The following SOX5 variants were observed in gnomAD, a reference collection of about 807,000 sequenced individuals.
SOX5 encodes the protein SRY-box transcription factor 5.
SOX5 carries 9 observed loss-of-function variants against 92.0 expected under a neutral mutation model. The ratio of observed to expected loss-of-function variants is 0.10; its 90% CI spans 0.06 to 0.17. The LOEUF (loss-of-function observed/expected upper bound fraction) is 0.17. Among genes scored for constraint, SOX5 ranks in the 10% least tolerant of loss-of-function variants. The probability of loss-of-function intolerance (pLI) is 1.00; values close to 1 mark genes in which losing one functional copy is unlikely to be tolerated. For missense variants in SOX5, 642 were observed against 944.5 expected, an observed-to-expected ratio of 0.68 and a Z score of 4.20; for synonymous variants, 344 against 336.3, an observed-to-expected ratio of 1.02 and a Z score of -0.25.
intron 4 of SOX5, chr12:24,212,549 T>A: frequency 1.9e-6 from 1 of 517,592 alleles, no homozygotes; most frequent in South Asian, 1.5e-5. Context: ...CACCAAGTCT[T>A]CACTCATAAC....
At chr12:24,138,310 T>C (rs1431032181) in intron 4 of SOX5, among the ~76,000 whole-genome samples, 1 of 152,232 alleles carries the variant, frequency 6.6e-6, no homozygotes, top group Non-Finnish European at 1.5e-5. Context: ...TTTTCTCCTG[T>C]TCATCTGCGA....
intron 4 of SOX5, among the ~76,000 whole-genome samples, chr12:24,202,221 C>T (rs1000540954): frequency 1.3e-5 from 2 of 152,198 alleles, no homozygotes; most frequent in Non-Finnish European, 2.9e-5. Flanking sequence ...CACTCTATTA[C>T]AATTCTCCTT....
At chr12:24,444,859 C>T (rs1441780924) in intron 1 of SOX5, among the ~76,000 whole-genome samples, 2 of 152,206 alleles carry the variant, frequency 1.3e-5, no homozygotes, top group African/African-American at 2.4e-5. Context: ...TCTCTATCTG[C>T]CCATCCTGCT....
intron 4 of SOX5, among the ~76,000 whole-genome samples, chr12:23,958,204 C>T (rs1946493689): frequency 6.6e-6 from 1 of 151,986 alleles, no homozygotes; most frequent in South Asian, 2.1e-4. Context: ...CATAACTGGG[C>T]CATTATTCTT....
At chr12:24,068,019 C>T (rs1471032062) in intron 4 of SOX5, among the ~76,000 whole-genome samples, 1 of 152,146 alleles carries the variant, frequency 6.6e-6, no homozygotes, top group Non-Finnish European at 1.5e-5. Flanking sequence ...GTGGTGTGCG[C>T]CTGTAGTCCC....
At chr12:23,993,881 ATGT>A (rs1950784152) in intron 4 of SOX5, among the ~76,000 whole-genome samples, 1 of 150,234 alleles carries the variant, frequency 6.7e-6, no homozygotes. Context: ...GTATGTATGT[ATGT>A]ATGTATGTAT....
At chr12:23,604,575 A>T (rs770319887) in intron 8 of SOX5, 42 bp from the exon 9 acceptor site, 3 of 1,582,632 alleles carry the variant, frequency 1.9e-6, no homozygotes, top group Admixed American at 1.7e-5. Flanking sequence ...AATACTGTGA[A>T]TAATAAAATA....
chr12:23,595,288 A>T (rs778671323), intron 9 of SOX5, among the ~76,000 whole-genome samples: 5 of 152,078 alleles, frequency 3.3e-5, no homozygotes, highest in Non-Finnish European at 7.4e-5. Context: ...ATTGTTTGGG[A>T]TCCTGATTAA....
chr12:23,823,493 C>G (rs1214832642), intron 3 of SOX5, among the ~76,000 whole-genome samples: 4 of 152,170 alleles, frequency 2.6e-5, no homozygotes, highest in Non-Finnish European at 4.4e-5. Flanking sequence ...TGCTATTAGT[C>G]TGATGGGCTT....
chr12:24,207,377 C>T (rs1029316218), intron 4 of SOX5, among the ~76,000 whole-genome samples: 2 of 151,786 alleles, frequency 1.3e-5, no homozygotes, highest in African/African-American at 2.4e-5. Context: ...AATGAAAATA[C>T]TAGCCAAGAA....
intron 1 of SOX5, among the ~76,000 whole-genome samples, chr12:24,370,945 G>A (rs1274400172): frequency 1.3e-5 from 2 of 152,122 alleles, no homozygotes; most frequent in African/African-American, 4.8e-5. Context: ...AGAATAGGAA[G>A]AACACCCCAA....
intron 4 of SOX5, among the ~76,000 whole-genome samples, chr12:24,047,967 G>T (rs570109918): frequency 6.6e-6 from 1 of 152,168 alleles, no homozygotes; most frequent in African/African-American, 2.4e-5. Flanking sequence ...CTTCAGTTAG[G>T]AGCTTCTAAA....
chr12:23,724,706 G>A (rs1473298740), intron 6 of SOX5, among the ~76,000 whole-genome samples: 3 of 152,136 alleles, frequency 2.0e-5, no homozygotes, highest in African/African-American at 7.2e-5. Flanking sequence ...TGGCCTCCCT[G>A]ACAAGCATGG....
chr12:24,441,677 A>C (rs761803695), intron 1 of SOX5, among the ~76,000 whole-genome samples: 25 of 152,222 alleles, frequency 1.6e-4, no homozygotes, highest in Non-Finnish European at 3.2e-4. Context: ...TAGTGATATA[A>C]AAAGTTGACA....
chr12:23,792,614 C>A lies in SOX5; in HGVS notation c.482-36890G>T, dbSNP rs1314218676. Among the ~76,000 whole-genome samples, 23 of 80,350 alleles carry A rather than the reference C, an allele frequency of 2.9e-4. No individual in the cohort carries two copies. The Admixed American group carries it at 5.1e-3, about 18-fold the overall frequency. The allele number at this position is 80,350 out of a possible 152,430, so 52.7% of individuals were successfully genotyped here. ...CTGCAGCCTGGGCAATAGAGTGAGG[C>A]TCTGTCTCAAAAAAAAAAAAAAAAA... On this transcript the variant is annotated intron_variant, in intron 3 of 14. Coordinates refer to ENST00000451604, the MANE Select transcript of SOX5 (RefSeq NM_006940.6).
intron 4 of SOX5, among the ~76,000 whole-genome samples, chr12:23,999,140 C>CTGTGTGTGTGTGTGTGTG (rs1384723605): frequency 6.4e-5 from 9 of 141,392 alleles, no homozygotes; most frequent in South Asian, 4.7e-4. Flanking sequence ...AAAAAAGACT[C>CTGTGTGTGTGTGTGTGTG]TGTGTGTGTG....
At chr12:24,324,206 C>T (rs1311889769) in intron 2 of SOX5, among the ~76,000 whole-genome samples, 1 of 151,878 alleles carries the variant, frequency 6.6e-6, no homozygotes, top group Admixed American at 6.6e-5. Flanking sequence ...TTTTTCATAA[C>T]ATTAGTTCAT....
chr12:24,211,878 T>C (rs530160540), intron 4 of SOX5, among the ~76,000 whole-genome samples: 1 of 152,228 alleles, frequency 6.6e-6, no homozygotes, highest in Non-Finnish European at 1.5e-5. Flanking sequence ...AACAAGTGTA[T>C]TCAATTTAAG....
chr12:23,617,364 A>T (rs10842192), intron 8 of SOX5, among the ~76,000 whole-genome samples: 62,279 of 151,914 alleles, frequency 0.41, 13,023 homozygotes, highest in South Asian at 0.55. Flanking sequence ...AAGCTTGGAT[A>T]CAAAAGTAAA....
Sources: allele counts gnomAD v4.1 joint callset (sites outside exome capture counted in the v4.1 genomes callset), GRCh38; gene constraint gnomAD v4.1.1; transcripts MANE v1.5; gene names NCBI Gene and HGNC (gene_info 2026-07-23, HGNC 2026-07-21).